TMEM132D: variants seen among roughly 807,000 people sequenced by gnomAD.
TMEM132D encodes mature OL transmembrane protein.
A neutral mutation model predicts 62.3 loss-of-function variants in TMEM132D; 21 were observed. That is an observed-to-expected ratio of 0.34 (90% CI 0.24 to 0.49). The LOEUF (loss-of-function observed/expected upper bound fraction) is 0.49, where lower values mean the gene tolerates loss of function less well. Among genes scored for constraint, TMEM132D ranks in the 20% least tolerant of loss-of-function variants. The pLI, the probability that TMEM132D is intolerant of heterozygous loss-of-function variation, is 0.99. For synonymous variants in TMEM132D, 621 were observed against 575.6 expected, an observed-to-expected ratio of 1.08 and a Z score of -1.13; for missense variants, 1,346 against 1,402.8, an observed-to-expected ratio of 0.96 and a Z score of 0.65.
chr12:129,389,967 G>A (rs532743506), intron 3 of TMEM132D, among the ~76,000 whole-genome samples: 55 of 152,270 alleles, frequency 3.6e-4, no homozygotes, highest in Middle Eastern at 6.8e-3. Flanking sequence ...TGCCTTCATC[G>A]CACTGACTCG....
chr12:129,729,432 G>T (rs911135151), intron 1 of TMEM132D, among the ~76,000 whole-genome samples: 6 of 152,156 alleles, frequency 3.9e-5, no homozygotes, highest in African/African-American at 1.4e-4. Flanking sequence ...CATGTTAGTA[G>T]CACCCCAGTC....
intron 5 of TMEM132D, among the ~76,000 whole-genome samples, chr12:129,175,135 A>C (rs571728290): frequency 6.6e-6 from 1 of 152,160 alleles, no homozygotes; most frequent in African/African-American, 2.4e-5. Context: ...CATTTTTGTC[A>C]TGAAGTCTTT....
intron 5 of TMEM132D, among the ~76,000 whole-genome samples, chr12:129,148,851 C>A (rs1441361452): frequency 2.7e-5 from 4 of 146,324 alleles, no homozygotes; most frequent in African/African-American, 1.0e-4. Context: ...AAGAGGACAT[C>A]CCTGAGGGTT....
intron 4 of TMEM132D, among the ~76,000 whole-genome samples, chr12:129,261,984 G>A (rs1880560974): frequency 6.6e-6 from 1 of 152,134 alleles, no homozygotes; most frequent in African/African-American, 2.4e-5. Context: ...GATGATTCAG[G>A]AGAGAGGGAG....
At chr12:129,523,240 C>G (rs1200266566) in intron 3 of TMEM132D, among the ~76,000 whole-genome samples, 1 of 152,208 alleles carries the variant, frequency 6.6e-6, no homozygotes, top group Non-Finnish European at 1.5e-5. Context: ...TCTGCCACTG[C>G]AGGTGTTTTT....
At chr12:129,622,685 T>C (rs1433874200) in intron 2 of TMEM132D, among the ~76,000 whole-genome samples, 1 of 152,216 alleles carries the variant, frequency 6.6e-6, no homozygotes, top group Admixed American at 6.5e-5. Context: ...CTTGGTTTCA[T>C]CTACGTAGAA....
At position 129,276,020 on chromosome 12, in the gene TMEM132D, C is replaced by T. The variant is rs1880995882; in HGVS notation, c.1299+61614G>A. 3.5e-5 allele frequency among the ~76,000 whole-genome samples: 5 copies of T among 144,408 alleles called. No individual in the cohort carries two copies. In the Admixed American group the frequency reaches 3.6e-4, roughly 10 times the overall value. The allele number at this position is 144,408 out of a possible 152,430, so 94.7% of individuals were successfully genotyped here. ...TATCCCGCAGTCTGCTTTCCAGGCA[C>T]GTGGATGCACAGGTTTGTTTGTTTG... On this transcript the variant is annotated intron_variant, in intron 4 of 8. Transcript: ENST00000422113.
intron 3 of TMEM132D, among the ~76,000 whole-genome samples, chr12:129,444,388 A>G (rs185033426): frequency 3.3e-3 from 396 of 121,594 alleles, no homozygotes; most frequent in African/African-American, 0.015. Flanking sequence ...TCCAGTATTC[A>G]TAAGGAAATA....
At chr12:129,537,548 C>A (rs1028505429) in intron 2 of TMEM132D, among the ~76,000 whole-genome samples, 1 of 152,210 alleles carries the variant, frequency 6.6e-6, no homozygotes, top group Non-Finnish European at 1.5e-5. Flanking sequence ...TTCATACCTT[C>A]ACTTGTACAA....
intron 3 of TMEM132D, among the ~76,000 whole-genome samples, chr12:129,514,100 A>G (rs970114211): frequency 2.0e-5 from 3 of 151,680 alleles, no homozygotes; most frequent in South Asian, 2.1e-4. Context: ...CGGCCTCCCA[A>G]AGTGCTGGGA....
intron 5 of TMEM132D, among the ~76,000 whole-genome samples, chr12:129,118,947 G>T (rs921002662): frequency 1.1e-4 from 17 of 152,274 alleles, no homozygotes; most frequent in African/African-American, 3.8e-4. Flanking sequence ...CCTTCTACAG[G>T]GCAGATTTGA....
At chr12:129,627,312 T>C (rs1284452608) in intron 2 of TMEM132D, among the ~76,000 whole-genome samples, 1 of 152,210 alleles carries the variant, frequency 6.6e-6, no homozygotes, top group African/African-American at 2.4e-5. Flanking sequence ...CATGGAAATA[T>C]TTACCACTGT....
intron 1 of TMEM132D, among the ~76,000 whole-genome samples, chr12:129,896,680 T>C (rs1458209819): frequency 3.3e-5 from 5 of 152,174 alleles, no homozygotes; most frequent in Non-Finnish European, 7.3e-5. Context: ...TTTTGGAACC[T>C]CTTGTCTTTC....
intron 1 of TMEM132D, among the ~76,000 whole-genome samples, chr12:129,712,647 T>A (rs1036936724): frequency 6.6e-6 from 1 of 152,176 alleles, no homozygotes; most frequent in African/African-American, 2.4e-5. Context: ...GACTTTTAAA[T>A]TTCAATTAAT....
intron 3 of TMEM132D, among the ~76,000 whole-genome samples, chr12:129,469,826 T>A (rs1874041596): frequency 1.3e-5 from 2 of 152,192 alleles, no homozygotes; most frequent in South Asian, 4.1e-4. Flanking sequence ...ACAAAAAATA[T>A]TTTGCATTGT....
chr12:129,259,298 C>G (rs1398124400), intron 4 of TMEM132D, among the ~76,000 whole-genome samples: 1 of 152,204 alleles, frequency 6.6e-6, no homozygotes, highest in Non-Finnish European at 1.5e-5. Context: ...GGTCAGCATC[C>G]TTGCCTGGGT....
chr12:129,708,513 CT>C (rs1370620353), intron 1 of TMEM132D, among the ~76,000 whole-genome samples: 1 of 151,304 alleles, frequency 6.6e-6, no homozygotes, highest in Non-Finnish European at 1.5e-5. Flanking sequence ...TCCCTGACCC[CT>C]GCCTAGGTGC....
intron 1 of TMEM132D, among the ~76,000 whole-genome samples, chr12:129,791,289 A>G (rs1871394713): frequency 6.6e-6 from 1 of 152,204 alleles, no homozygotes; most frequent in African/African-American, 2.4e-5. Context: ...TATATTGGTC[A>G]AAAATTAAAA....
At chr12:129,184,508 T>C (rs1188092345) in intron 5 of TMEM132D, among the ~76,000 whole-genome samples, 4 of 152,172 alleles carry the variant, frequency 2.6e-5, no homozygotes, top group African/African-American at 7.2e-5. Context: ...GCACATTTCA[T>C]GGGATTCCCA....
Sources: gnomAD v4.1 joint callset for allele counts (sites outside exome capture counted in the v4.1 genomes callset) on GRCh38, gnomAD v4.1.1 for gene constraint, MANE v1.5 for transcripts, NCBI Gene and HGNC (gene_info 2026-07-23, HGNC 2026-07-21) for gene names.